ULK4: variants seen among roughly 807,000 people sequenced by gnomAD.
ULK4 encodes unc-51 like kinase 4.
ULK4 carries 133 observed loss-of-function variants against 160.6 expected under a neutral mutation model. The ratio of observed to expected loss-of-function variants is 0.83; its 90% CI spans 0.72 to 0.96. ULK4 has a LOEUF of 0.96. Among genes scored for constraint, ULK4 ranks in the 40% least tolerant of loss-of-function variants. ULK4 has a pLI of 0.00. For missense variants in ULK4, 1,580 were observed against 1,499.5 expected (o/e 1.05, Z -0.89); for synonymous variants, 534 against 539.8 (o/e 0.99, Z 0.15).
chr3:41,878,073 T>C (rs1420014523), intron 17 of ULK4, among the ~76,000 whole-genome samples: 1 of 127,632 alleles, frequency 7.8e-6, no homozygotes, highest in Non-Finnish European at 1.6e-5. Flanking sequence ...TCTGAAAAGC[T>C]CTACCAGGAA....
chr3:41,958,887 C>T (rs1041895092), intron 1 of ULK4, among the ~76,000 whole-genome samples: 1 of 152,038 alleles, frequency 6.6e-6, no homozygotes, highest in Admixed American at 6.6e-5. Flanking sequence ...ACAAAAGCAA[C>T]CAGAGACAAT....
At chr3:41,907,410 C>T (rs1327220118) in intron 12 of ULK4, among the ~76,000 whole-genome samples, 1 of 152,072 alleles carries the variant, frequency 6.6e-6, no homozygotes, top group East Asian at 1.9e-4. Flanking sequence ...AACCCTCCCA[C>T]TTCAGCTTCC....
chr3:41,942,939 C>T (rs1265285217), intron 2 of ULK4, among the ~76,000 whole-genome samples: 1 of 151,968 alleles, frequency 6.6e-6, no homozygotes, highest in Non-Finnish European at 1.5e-5. Context: ...TTAGGCTGGG[C>T]ACGGTGGCTC....
intron 22 of ULK4, among the ~76,000 whole-genome samples, chr3:41,724,764 G>A (rs184712053): frequency 2.1e-3 from 313 of 152,052 alleles, no homozygotes; most frequent in African/African-American, 7.2e-3. Context: ...CTATATCTTT[G>A]CCAAAACCCT....
At chr3:41,880,360 T>C (rs571951689) in intron 17 of ULK4, among the ~76,000 whole-genome samples, 1 of 152,286 alleles carries the variant, frequency 6.6e-6, no homozygotes, top group South Asian at 2.1e-4. Flanking sequence ...TCTAAATGCA[T>C]AAAGGAGATC....
At chr3:41,487,225 G>C (rs914046711) in intron 32 of ULK4, among the ~76,000 whole-genome samples, 1 of 151,992 alleles carries the variant, frequency 6.6e-6, no homozygotes, top group Non-Finnish European at 1.5e-5. Flanking sequence ...TGAATAAATG[G>C]AAAGGTACAA....
chr3:41,938,665 G>C (rs1039167346), intron 2 of ULK4, among the ~76,000 whole-genome samples: 10 of 152,168 alleles, frequency 6.6e-5, no homozygotes, highest in Admixed American at 2.6e-4. Context: ...CTGGGTGACA[G>C]AGCAAGACTC....
chr3:41,420,597 C>G (rs1452655441), intron 34 of ULK4, among the ~76,000 whole-genome samples: 1 of 147,534 alleles, frequency 6.8e-6, no homozygotes, highest in Non-Finnish European at 1.5e-5. Flanking sequence ...ATTCTCCTGC[C>G]TTGGCCTCCC....
intron 19 of ULK4, among the ~76,000 whole-genome samples, chr3:41,810,751 CAGT>C (rs1217007020): frequency 6.6e-6 from 1 of 152,212 alleles, no homozygotes; most frequent in Non-Finnish European, 1.5e-5. Context: ...TTTGTGGCAG[CAGT>C]CCATTCAAAC....
At chr3:41,627,616 T>C (rs1235200234) in intron 30 of ULK4, among the ~76,000 whole-genome samples, 1 of 152,252 alleles carries the variant, frequency 6.6e-6, no homozygotes, top group Non-Finnish European at 1.5e-5. Context: ...CCTCAGTATT[T>C]AATTTATGAT....
intron 35 of ULK4, among the ~76,000 whole-genome samples, chr3:41,264,195 AT>A: frequency 6.6e-6 from 1 of 152,300 alleles, no homozygotes; most frequent in Admixed American, 6.5e-5. Context: ...TGAGGCAGAG[AT>A]TTTTTAAAGG....
intron 30 of ULK4, among the ~76,000 whole-genome samples, chr3:41,643,750 G>T (rs1470825716): frequency 6.6e-6 from 1 of 152,140 alleles, no homozygotes; most frequent in African/African-American, 2.4e-5. Context: ...TAGCTTGATG[G>T]GGATGGCATT....
chr3:41,901,803 A>G (rs1698376607), intron 12 of ULK4, among the ~76,000 whole-genome samples: 2 of 152,056 alleles, frequency 1.3e-5, no homozygotes, highest in South Asian at 2.1e-4. Context: ...TCATTCACAG[A>G]ATGTTAATCA....
intron 35 of ULK4, among the ~76,000 whole-genome samples, chr3:41,298,337 A>C (rs1014382649): frequency 1.3e-5 from 2 of 152,234 alleles, no homozygotes; most frequent in Non-Finnish European, 2.9e-5. Context: ...GAGTTTAAAG[A>C]TAAAGAGTTT....
At chr3:41,395,950 T>A (rs1013252974) in intron 35 of ULK4, among the ~76,000 whole-genome samples, 1 of 152,120 alleles carries the variant, frequency 6.6e-6, no homozygotes, top group Non-Finnish European at 1.5e-5. Flanking sequence ...CCATTTTAAA[T>A]AGTAAAGCAA....
At chr3:41,913,096 C>T (rs9822288) in intron 8 of ULK4, 197 bp from the exon 9 acceptor site, 415,760 of 537,628 alleles carry the variant, frequency 0.77, 166,901 homozygotes, top group East Asian at 0.86. Context: ...AATTCAGAAG[C>T]ATTAAATGGT....
intron 32 of ULK4, among the ~76,000 whole-genome samples, chr3:41,564,124 G>A (rs2087701417): frequency 6.6e-6 from 1 of 152,158 alleles, no homozygotes; most frequent in Admixed American, 6.5e-5. Flanking sequence ...AGGTCCCTCA[G>A]CTGCAGGTCT....
chr3:41,412,567 T>G (rs2082430646), intron 34 of ULK4, among the ~76,000 whole-genome samples: 1 of 143,202 alleles, frequency 7.0e-6, no homozygotes, highest in Non-Finnish European at 1.5e-5. Context: ...TTTTTTTTTT[T>G]TTTTTTTTTT....
At chr3:41,304,101 G>A (rs373825905) in intron 35 of ULK4, among the ~76,000 whole-genome samples, 24 of 152,058 alleles carry the variant, frequency 1.6e-4, no homozygotes, top group African/African-American at 5.1e-4. Context: ...GTGAAACCCC[G>A]TCTCTACTAA....
Sources: allele counts gnomAD v4.1 joint callset (sites outside exome capture counted in the v4.1 genomes callset), GRCh38; gene constraint gnomAD v4.1.1; transcripts MANE v1.5; gene names NCBI Gene and HGNC (gene_info 2026-07-23, HGNC 2026-07-21).